Variants in TP63 observed in about 807,000 individuals in gnomAD.
TP63 encodes tumor protein 63.
Under a neutral mutation model 82.8 loss-of-function variants are expected in TP63, and 17 were observed. The observed-to-expected ratio is 0.21, with a 90% CI of 0.14 to 0.31. TP63 has a LOEUF of 0.31. Among genes scored for constraint, TP63 ranks in the 10% least tolerant of loss-of-function variants. The probability of loss-of-function intolerance (pLI) is 1.00; values close to 1 mark genes in which losing one functional copy is unlikely to be tolerated. For synonymous variants in TP63, 330 were observed against 321.7 expected (o/e 1.03, Z -0.28); for missense variants, 648 against 895.3 (o/e 0.72, Z 3.52).
At chr3:189,785,011 CA>C (rs1560181402) in intron 3 of TP63, among the ~76,000 whole-genome samples, 2 of 152,012 alleles carry the variant, frequency 1.3e-5, no homozygotes, top group Non-Finnish European at 2.9e-5. Flanking sequence ...TGGAAAGCCC[CA>C]ACATTTCTTA....
chr3:189,855,652 A>G (rs1716193236), intron 4 of TP63, among the ~76,000 whole-genome samples: 1 of 152,100 alleles, frequency 6.6e-6, no homozygotes. Flanking sequence ...ATTAAATTAT[A>G]AAAAGAATAC....
At chr3:189,781,346 A>C (rs978424074) in intron 3 of TP63, among the ~76,000 whole-genome samples, 2 of 152,150 alleles carry the variant, frequency 1.3e-5, no homozygotes, top group Non-Finnish European at 2.9e-5. Context: ...GGTGGTGTGC[A>C]TACTGGATGG....
the TP63 span, among the ~76,000 whole-genome samples, chr3:189,612,377 A>G: frequency 6.6e-6 from 1 of 151,922 alleles, no homozygotes; most frequent in African/African-American, 2.4e-5. Context: ...AGGGGTTTCC[A>G]CTTTTCTTCT....
At chr3:189,819,547 T>C (rs1401179166) in intron 4 of TP63, among the ~76,000 whole-genome samples, 1 of 152,092 alleles carries the variant, frequency 6.6e-6, no homozygotes, top group Non-Finnish European at 1.5e-5. Context: ...ATGCGGTGTT[T>C]ACACTGTTTT....
chr3:189,699,471 C>T (rs1717640740), intron 1 of TP63, among the ~76,000 whole-genome samples: 1 of 152,116 alleles, frequency 6.6e-6, no homozygotes, highest in Non-Finnish European at 1.5e-5. Context: ...CGGAGAGGAA[C>T]TTAGAGAATG....
At chr3:189,611,404 T>G in the TP63 span, among the ~76,000 whole-genome samples, 2 of 152,178 alleles carry the variant, frequency 1.3e-5, no homozygotes, top group African/African-American at 4.8e-5. Context: ...GTAGGTTGTC[T>G]TTTCCCCATT....
At chr3:189,880,054 C>G in intron 10 of TP63, 1 of 1,612,008 alleles carries the variant, frequency 6.2e-7, no homozygotes, top group Non-Finnish European at 8.5e-7. Flanking sequence ...TCTCTGGTTC[C>G]TCTCTGCAGT....
intron 3 of TP63, among the ~76,000 whole-genome samples, chr3:189,764,481 C>T (rs978992530): frequency 1.3e-5 from 2 of 152,092 alleles, no homozygotes; most frequent in African/African-American, 2.4e-5. Context: ...TTAGTGTGTG[C>T]AGTATAAGCT....
At chr3:189,863,262 G>A (rs1717263902) in intron 4 of TP63, among the ~76,000 whole-genome samples, 1 of 152,192 alleles carries the variant, frequency 6.6e-6, no homozygotes, top group African/African-American at 2.4e-5. Context: ...GTTTGCCTGA[G>A]CAAAGTGCCT....
chr3:189,864,215 G>A lies in TP63; in HGVS notation c.580-17G>A. On this transcript the variant is annotated splice_polypyrimidine_tract_variant and intron_variant, in intron 4 of 13. Transcript: ENST00000264731. ...GGTTCTCTCCTTCCTTTCTCCACTG[G>A]CCCCAACTCTAAGCAGTATTCCACT... 1.2e-6 allele frequency: 2 copies of A among 1,613,928 alleles called. No individual in the cohort carries two copies. The highest frequency in any genetic ancestry group is 1.7e-6 in the Non-Finnish European group (2 of 1,179,964).
intron 1 of TP63, among the ~76,000 whole-genome samples, chr3:189,679,925 C>G (rs1577227280): frequency 6.6e-6 from 1 of 152,102 alleles, no homozygotes; most frequent in African/African-American, 2.4e-5. Flanking sequence ...CAATTAACCA[C>G]AAATGCATAG....
intron 1 of TP63, among the ~76,000 whole-genome samples, chr3:189,733,956 A>T (rs948043437): frequency 7.9e-5 from 12 of 152,008 alleles, no homozygotes; most frequent in Non-Finnish European, 1.3e-4. Flanking sequence ...CATTTCTACC[A>T]ATTTAACTTT....
In TP63 at chr3:189,864,403, C is replaced by T; in HGVS notation, c.751C>T (p.Arg251Cys). The change falls in exon 5 of 14, where the codon CGT becomes TGT. Residue 251 changes from arginine to cysteine, a missense_variant. Arg to Cys is a radical substitution (Grantham distance 180). Around this residue, in one of 5 missense-constraint regions of TP63, gnomAD observed 64 missense variants for 144.2 expected, o/e 0.44. Transcript: ENST00000264731. Reference sequence around the variant, plus strand: ...GCGGTGCCCCAACCATGAGCTGAGCCGTGAATTCAACGAGGGTAAGCAGAA... The same window carrying T: ...GCGGTGCCCCAACCATGAGCTGAGCTGTGAATTCAACGAGGGTAAGCAGAA... ...VKRCPNHELS[R>C]EFNEGQIAPP... 2.5e-6 allele frequency: 4 copies of T among 1,613,238 alleles called. No individual in the cohort carries two copies. Among genetic ancestry groups the T allele is most frequent in the Non-Finnish European group, 3.4e-6 (4 of 1,179,432 alleles).
At chr3:189,635,516 C>G (rs1405840468) in intron 1 of TP63, among the ~76,000 whole-genome samples, 5 of 152,022 alleles carry the variant, frequency 3.3e-5, no homozygotes, top group Non-Finnish European at 7.4e-5. Context: ...TTGAATTCAA[C>G]CAGCAGCAAT....
At chr3:189,854,053 TTACTTC>T (rs1229595065) in intron 4 of TP63, among the ~76,000 whole-genome samples, 3 of 152,222 alleles carry the variant, frequency 2.0e-5, no homozygotes, top group African/African-American at 7.2e-5. Context: ...TTTTAAAGTC[TTACTTC>T]TATCTGTTCC....
At chr3:189,819,812 T>G (rs1362567386) in intron 4 of TP63, among the ~76,000 whole-genome samples, 2 of 136,016 alleles carry the variant, frequency 1.5e-5, no homozygotes, top group African/African-American at 5.4e-5. Flanking sequence ...AGTGCAGTGG[T>G]GCCACCTGAG....
At chr3:189,887,380 C>G (rs776783295) in intron 11 of TP63, among the ~76,000 whole-genome samples, 6 of 152,086 alleles carry the variant, frequency 3.9e-5, no homozygotes, top group Non-Finnish European at 7.4e-5. Context: ...GCCTTTTAAA[C>G]TCACCTATTC....
At chr3:189,772,479 C>A (rs915637466) in intron 3 of TP63, among the ~76,000 whole-genome samples, 8 of 152,186 alleles carry the variant, frequency 5.3e-5, no homozygotes, top group Non-Finnish European at 1.5e-5. Context: ...TCAATACATA[C>A]CAACTTGAGA....
rs181693641 is a variant in TP63 at position 189,896,023 on chromosome 3, C to G, written c.*1521C>G. On this transcript the variant is annotated 3_prime_UTR_variant, in exon 14 of 14. Transcript: ENST00000264731. ...GCTGCTGTTGCTTAAACCACTTAAA[C>G]GAAGAGTTCCCTTGAAACTTTGGGA... 1.4e-4 allele frequency: 31 copies of G among 228,800 alleles called. No individual in the cohort carries two copies. The highest frequency in any genetic ancestry group is 2.5e-4 in the Non-Finnish European group (29 of 115,164). 14.2% of individuals were successfully genotyped at this position (228,800 alleles called of 1,614,324 possible). A position where few individuals can be genotyped will look rare whatever the true frequency, so the allele number is the denominator to read the frequency against.
Sources: gnomAD v4.1 joint callset for allele counts (sites outside exome capture counted in the v4.1 genomes callset) on GRCh38, gnomAD v4.1.1 for gene constraint, gnomAD v4.1.1 regional missense constraint, MANE v1.5 for transcripts, NCBI Gene and HGNC (gene_info 2026-07-23, HGNC 2026-07-21) for gene names.